The following MYO5B variants were observed in gnomAD, a reference collection of about 807,000 sequenced individuals.
MYO5B encodes the protein myosin VB.
Under a neutral mutation model 229.3 loss-of-function variants are expected in MYO5B, and 143 were observed. The observed-to-expected ratio is 0.62, with a 90% CI of 0.54 to 0.72. MYO5B has a LOEUF of 0.72. Ranked by LOEUF, MYO5B falls within the 30% of genes least tolerant of loss-of-function variation. The pLI, the probability that MYO5B is intolerant of heterozygous loss-of-function variation, is 0.00. For synonymous variants in MYO5B, 918 were observed against 885.2 expected (o/e 1.04, Z -0.66); for missense variants, 2,321 against 2,331.0 (o/e 1.00, Z 0.09).
At chr18:50,162,197 T>C (rs1160105834) in intron 1 of MYO5B, among the ~76,000 whole-genome samples, 2 of 152,258 alleles carry the variant, frequency 1.3e-5, no homozygotes, top group Admixed American at 6.5e-5. Context: ...AGTCTTCAAA[T>C]GGGGTTCTAA....
intron 1 of MYO5B, among the ~76,000 whole-genome samples, chr18:50,067,647 G>A (rs778296756): frequency 6.6e-6 from 1 of 152,150 alleles, no homozygotes; most frequent in Non-Finnish European, 1.5e-5. Flanking sequence ...TTGTTAAAAA[G>A]AGCCTGGCAC....
rs1599033185 is a variant in MYO5B, at chr18:50,117,009, G to A, written c.28-61631C>T. The stretch of plus-strand genomic sequence containing the variant: ...ACAGCACATAAGTACTATTAAGTAC[G>A]TAGCAGCAATTGACATTTTGTTATG... On this transcript the variant is annotated intron_variant, in intron 1 of 39. Transcript: ENST00000285039. Among the ~76,000 whole-genome samples, 4 of 152,150 alleles carry A rather than the reference G, an allele frequency of 2.6e-5. No homozygotes were observed. In the South Asian group the frequency reaches 6.2e-4, roughly 24 times the overall value.
intron 5 of MYO5B, among the ~76,000 whole-genome samples, chr18:50,000,064 C>T (rs1273683502): frequency 6.6e-6 from 1 of 152,198 alleles, no homozygotes; most frequent in Non-Finnish European, 1.5e-5. Flanking sequence ...CAAAGTAACG[C>T]AACTCTGAAG....
chr18:50,180,982 T>C (rs183573936), intron 1 of MYO5B, among the ~76,000 whole-genome samples: 69 of 152,348 alleles, frequency 4.5e-4, no homozygotes, highest in African/African-American at 1.5e-3. Context: ...CTCCACCTCC[T>C]TATCTTTCAT....
At chr18:50,134,468 T>C (rs1002469026) in intron 1 of MYO5B, among the ~76,000 whole-genome samples, 1 of 151,630 alleles carries the variant, frequency 6.6e-6, no homozygotes, top group Non-Finnish European at 1.5e-5. Context: ...GGCAGGAGAA[T>C]CACTTGAACC....
chr18:49,912,075 T>C lies in MYO5B; in HGVS notation c.2189A>G (p.Glu730Gly), dbSNP rs1015349899. Residue 730 changes from glutamate to glycine, a missense_variant, in exon 18 of 40, where the codon GAG becomes GGG. Around this residue, in one of 2 missense-constraint regions of MYO5B, gnomAD observed 2,113 missense variants for 2,044.7 expected, o/e 1.03. Transcript: ENST00000285039. Reference protein sequence around the residue: ...DKKAICRSVLENLIKDPDKFQ... With the variant: ...DKKAICRSVLGNLIKDPDKFQ... ...TGTGTGGCTCACCTTGATGAGGTTC[T>C]CCAGGACAGACCTGCAGATGGCCTT... 2.5e-6 allele frequency: 4 copies of C among 1,614,078 alleles called. No individual in the cohort carries two copies. Among genetic ancestry groups the C allele is most frequent in the Non-Finnish European group, 3.4e-6 (4 of 1,179,944 alleles).
At chr18:50,146,457 A>G (rs570604335) in intron 1 of MYO5B, among the ~76,000 whole-genome samples, 1 of 152,318 alleles carries the variant, frequency 6.6e-6, no homozygotes, top group Admixed American at 6.5e-5. Context: ...TGCAGTCAGG[A>G]GACTGGGCTT....
chr18:50,136,364 C>CTTTTTTTTTTTTTTTTTTTTTTTTTTCT (rs11426659), intron 1 of MYO5B, among the ~76,000 whole-genome samples: 1 of 131,782 alleles, frequency 7.6e-6, no homozygotes. Flanking sequence ...TTTTTTTTTA[C>CTTTTTTTTTTTTTTTTTTTTTTTTTTCT]TTTTTTTTTT....
At chr18:49,857,660 G>A (rs1158770083) in intron 29 of MYO5B, among the ~76,000 whole-genome samples, 1 of 152,190 alleles carries the variant, frequency 6.6e-6, no homozygotes, top group African/African-American at 2.4e-5. Context: ...CTCAATTTGG[G>A]AAAGCAGAAC....
intron 1 of MYO5B, among the ~76,000 whole-genome samples, chr18:50,178,673 T>G (rs1466672756): frequency 2.0e-5 from 3 of 152,218 alleles, no homozygotes; most frequent in Non-Finnish European, 4.4e-5. Flanking sequence ...GCTTCGGGTA[T>G]TATTTACAGC....
At chr18:49,895,196 A>G (rs1268644731) in intron 21 of MYO5B, 22 bp from the exon 22 acceptor site, 2 of 1,592,354 alleles carry the variant, frequency 1.3e-6, no homozygotes, top group South Asian at 2.2e-5. Flanking sequence ...ATCAGCAAAC[A>G]AGGAGAAGGG....
At chr18:50,012,009 G>C (rs1289977283) in intron 4 of MYO5B, among the ~76,000 whole-genome samples, 1 of 152,100 alleles carries the variant, frequency 6.6e-6, no homozygotes, top group African/African-American at 2.4e-5. Context: ...GCTGACTGCA[G>C]AACCATTATT....
At chr18:49,976,746 CAG>C (rs879933982) in intron 9 of MYO5B, among the ~76,000 whole-genome samples, 32 of 152,256 alleles carry the variant, frequency 2.1e-4, no homozygotes, top group African/African-American at 6.7e-4. Flanking sequence ...TCACACTCAG[CAG>C]AGAGTTTCCA....
intron 14 of MYO5B, among the ~76,000 whole-genome samples, chr18:49,945,643 G>A (rs1252897516): frequency 6.6e-6 from 1 of 152,080 alleles, no homozygotes; most frequent in Non-Finnish European, 1.5e-5. Context: ...CATGTTAAAG[G>A]CCCATTTGTT....
chr18:50,108,566 A>T (rs184385426), intron 1 of MYO5B, among the ~76,000 whole-genome samples: 241 of 152,300 alleles, frequency 1.6e-3, no homozygotes, highest in Middle Eastern at 0.01. Flanking sequence ...GAAACAGGCC[A>T]AGTTCTCCAG....
At chr18:49,865,859 T>A (rs1267073627) in intron 27 of MYO5B, among the ~76,000 whole-genome samples, 1 of 152,064 alleles carries the variant, frequency 6.6e-6, no homozygotes, top group East Asian at 1.9e-4. Flanking sequence ...TCTGTGACAT[T>A]TCTATTTATC....
intron 4 of MYO5B, among the ~76,000 whole-genome samples, chr18:50,015,242 T>C (rs4939612): frequency 0.79 from 120,673 of 152,072 alleles, 48,251 homozygotes; most frequent in Admixed American, 0.85. Context: ...TGGAGGGAAA[T>C]GAACCCCTCT....
chr18:49,923,029 G>T (rs560297735), intron 17 of MYO5B, among the ~76,000 whole-genome samples: 2 of 152,268 alleles, frequency 1.3e-5, no homozygotes, highest in South Asian at 2.1e-4. Flanking sequence ...CCTGGATGAG[G>T]CAAAATCACA....
At position 49,880,394 on chromosome 18, in the gene MYO5B, T is replaced by C. The variant is rs2144107690; in HGVS notation, c.3107A>G (p.Asn1036Ser). Residue 1036 changes from asparagine to serine, a missense_variant, in exon 23 of 40, where the codon AAC (asparagine) becomes AGC (serine). Transcript: ENST00000285039. ...ACCTTTAGACTGGCACAGGATTTGGTTGTTGAGCTGTTCTTTCTCATCTTT... is the reference window on the plus strand; with the variant it reads ...ACCTTTAGACTGGCACAGGATTTGGCTGTTGAGCTGTTCTTTCTCATCTTT... ...LLKDEKEQLN[N>S]QILCQSKDEF... 1.2e-6 allele frequency: 2 copies of C among 1,614,126 alleles called. No homozygotes were observed. Among genetic ancestry groups the C allele is most frequent in the Non-Finnish European group, 1.7e-6 (2 of 1,179,988 alleles).
Sources: allele counts gnomAD v4.1 joint callset (sites outside exome capture counted in the v4.1 genomes callset), GRCh38; gene constraint gnomAD v4.1.1; regional missense constraint gnomAD v4.1.1; transcripts MANE v1.5; gene names NCBI Gene and HGNC (gene_info 2026-07-23, HGNC 2026-07-21).